SNAP91: variants seen among roughly 807,000 people sequenced by gnomAD.
SNAP91 encodes the protein clathrin coat assembly protein AP180.
In SNAP91, 27 loss-of-function variants were observed where a neutral mutation model predicts 100.3. The ratio of observed to expected loss-of-function variants is 0.27; its 90% CI spans 0.20 to 0.37. The LOEUF (loss-of-function observed/expected upper bound fraction) is 0.37. Among genes scored for constraint, SNAP91 ranks in the 10% least tolerant of loss-of-function variants. SNAP91 has a pLI of 1.00. For synonymous variants in SNAP91, 404 were observed against 398.6 expected (o/e 1.01, Z -0.16); for missense variants, 986 against 1,123.7 (o/e 0.88, Z 1.75).
chr6:83,570,901 G>T (rs189808549), intron 26 of SNAP91, among the ~76,000 whole-genome samples: 1 of 152,264 alleles, frequency 6.6e-6, no homozygotes, highest in African/African-American at 2.4e-5. Context: ...CCCCCACACA[G>T]AGTCCCTACT....
At chr6:83,655,879 C>T (rs2098392315) in intron 7 of SNAP91, among the ~76,000 whole-genome samples, 1 of 152,116 alleles carries the variant, frequency 6.6e-6, no homozygotes, top group Non-Finnish European at 1.5e-5. Context: ...TCCCTATCAC[C>T]AGCTGACTGA....
intron 21 of SNAP91, 117 bp downstream of exon 21, chr6:83,592,338 A>C: frequency 3.1e-6 from 2 of 635,272 alleles, no homozygotes; most frequent in East Asian, 5.8e-5. Context: ...GTTTACATTT[A>C]AGAGACAGAA....
At chr6:83,576,968 G>A (rs1157360438) in intron 24 of SNAP91, among the ~76,000 whole-genome samples, 1 of 152,184 alleles carries the variant, frequency 6.6e-6, no homozygotes, top group Non-Finnish European at 1.5e-5. Context: ...GCATTCCGAT[G>A]GTGTCAGACA....
At chr6:83,621,944 T>C (rs942708359) in intron 9 of SNAP91, among the ~76,000 whole-genome samples, 3 of 152,208 alleles carry the variant, frequency 2.0e-5, no homozygotes, top group Admixed American at 6.5e-5. Context: ...AAATGTACTA[T>C]AAATTTTACT....
intron 28 of SNAP91, among the ~76,000 whole-genome samples, chr6:83,559,643 C>T (rs1185168304): frequency 6.6e-6 from 1 of 152,098 alleles, no homozygotes; most frequent in Non-Finnish European, 1.5e-5. Flanking sequence ...TGTCTTGCGT[C>T]TGGAGTGAGG....
intron 8 of SNAP91, among the ~76,000 whole-genome samples, chr6:83,633,515 T>C (rs1042938659): frequency 1.1e-4 from 17 of 152,012 alleles, no homozygotes; most frequent in African/African-American, 4.1e-4. Flanking sequence ...GGGCTAGGCA[T>C]GTTTGAGTTC....
At chr6:83,664,507 C>A (rs1267628493) in intron 3 of SNAP91, among the ~76,000 whole-genome samples, 2 of 152,072 alleles carry the variant, frequency 1.3e-5, no homozygotes, top group Non-Finnish European at 1.5e-5. Flanking sequence ...GAAGTAACTG[C>A]AGATGTGTGG....
intron 11 of SNAP91, among the ~76,000 whole-genome samples, chr6:83,612,128 C>T (rs1331479384): frequency 6.6e-6 from 1 of 151,952 alleles, no homozygotes; most frequent in East Asian, 1.9e-4. Flanking sequence ...GTAGCAAGGG[C>T]ACAGAGATTT....
chr6:83,602,601 G>T (rs2095333612), intron 14 of SNAP91, among the ~76,000 whole-genome samples: 1 of 152,074 alleles, frequency 6.6e-6, no homozygotes, highest in Non-Finnish European at 1.5e-5. Context: ...AACCATGACT[G>T]GGTATCCACC....
At chr6:83,649,072 T>C (rs1412106820) in intron 7 of SNAP91, among the ~76,000 whole-genome samples, 3 of 152,240 alleles carry the variant, frequency 2.0e-5, no homozygotes, top group Admixed American at 6.5e-5. Context: ...AATAATTCTT[T>C]TGATTTCACT....
intron 8 of SNAP91, among the ~76,000 whole-genome samples, chr6:83,629,536 G>A (rs12202798): frequency 0.27 from 41,510 of 151,832 alleles, 6,230 homozygotes; most frequent in South Asian, 0.35. Flanking sequence ...TTCTTTCAGC[G>A]GTGTTTTGTA....
At chr6:83,569,287 C>T (rs927799587) in intron 26 of SNAP91, among the ~76,000 whole-genome samples, 1 of 152,080 alleles carries the variant, frequency 6.6e-6, no homozygotes, top group Admixed American at 6.6e-5. Flanking sequence ...TATGCTAAAA[C>T]TTTCCATATT....
At chr6:83,556,115 C>A in intron 29 of SNAP91, 28 bp downstream of exon 29, 1 of 1,274,590 alleles carries the variant, frequency 7.8e-7, no homozygotes. Flanking sequence ...TTATTACAAG[C>A]CTACAGGAAA....
At chr6:83,654,355 A>G (rs1055865245) in intron 7 of SNAP91, among the ~76,000 whole-genome samples, 1 of 152,136 alleles carries the variant, frequency 6.6e-6, no homozygotes, top group Non-Finnish European at 1.5e-5. Context: ...TTGATTTTTC[A>G]GTCTGTTCAG....
intron 24 of SNAP91, among the ~76,000 whole-genome samples, chr6:83,576,660 G>A (rs77497433): frequency 0.023 from 3,545 of 152,280 alleles, 57 homozygotes; most frequent in Admixed American, 0.039. Flanking sequence ...AAGGAAGTCT[G>A]CATGTGGACT....
rs1358867758 is a variant in SNAP91, at chr6:83,561,920, G to A, written c.2443-973C>T. Among the ~76,000 whole-genome samples the A allele has an allele frequency of 5.9e-5, 9 of 152,124 alleles. No homozygotes were observed. The East Asian group carries it at 9.7e-4, about 16-fold the overall frequency. On this transcript the variant is annotated intron_variant, in intron 26 of 29. Coordinates refer to ENST00000369694, the MANE Select transcript of SNAP91 (RefSeq NM_001242792.2). Reference sequence around the variant, plus strand: ...TGTGTGCCTGTAGTCTTAGCTACTCGGGAGGCTGAGGTGGGAGGACAGCCT... The same window carrying A: ...TGTGTGCCTGTAGTCTTAGCTACTCAGGAGGCTGAGGTGGGAGGACAGCCT...
At chr6:83,612,911 A>AAAC (rs1211702386) in intron 11 of SNAP91, among the ~76,000 whole-genome samples, 2 of 151,150 alleles carry the variant, frequency 1.3e-5, no homozygotes, top group Non-Finnish European at 3.0e-5. Flanking sequence ...AAAAAAAAAA[A>AAAC]ATATCAACAG....
intron 2 of SNAP91, among the ~76,000 whole-genome samples, chr6:83,670,158 G>A (rs969127092): frequency 1.3e-5 from 2 of 151,562 alleles, no homozygotes; most frequent in Admixed American, 6.6e-5. Flanking sequence ...TTTCTTGCCT[G>A]ATGGCATTTC....
intron 28 of SNAP91, among the ~76,000 whole-genome samples, chr6:83,557,347 C>T (rs577592041): frequency 2.6e-5 from 4 of 152,066 alleles, no homozygotes; most frequent in African/African-American, 9.6e-5. Flanking sequence ...ATTATATTAT[C>T]TATCTGTCAA....
Sources: gnomAD v4.1 joint callset for allele counts (sites outside exome capture counted in the v4.1 genomes callset) on GRCh38, gnomAD v4.1.1 for gene constraint, MANE v1.5 for transcripts, NCBI Gene and HGNC (gene_info 2026-07-23, HGNC 2026-07-21) for gene names.